Variants in RGS6 observed in about 807,000 individuals in gnomAD.
The protein encoded by RGS6 is regulator of G-protein signaling 6.
In RGS6, 30 loss-of-function variants were observed where a neutral mutation model predicts 78.5. That is an observed-to-expected ratio of 0.38 (90% CI 0.29 to 0.52). RGS6 has a LOEUF of 0.52. Ranked by LOEUF, RGS6 falls within the 20% of genes least tolerant of loss-of-function variation. The pLI is 0.85. For missense variants in RGS6, 495 were observed against 609.7 expected (o/e 0.81, Z 1.98); for synonymous variants, 206 against 206.0 (o/e 1.00, Z 0.00).
At chr14:71,936,120 C>T (rs2089306863) in intron 1 of RGS6, among the ~76,000 whole-genome samples, 1 of 145,674 alleles carries the variant, frequency 6.9e-6, no homozygotes, top group African/African-American at 2.5e-5. Flanking sequence ...TGTACATATA[C>T]CATATATCTA....
chr14:72,399,797 T>G (rs1020555187), intron 3 of RGS6, among the ~76,000 whole-genome samples: 6 of 152,104 alleles, frequency 3.9e-5, no homozygotes, highest in Admixed American at 6.5e-5. Flanking sequence ...TGAAGCTTAG[T>G]TTGAAATGAA....
chr14:72,241,427 T>C (rs773464225), intron 2 of RGS6, among the ~76,000 whole-genome samples: 3 of 152,216 alleles, frequency 2.0e-5, no homozygotes, highest in Non-Finnish European at 4.4e-5. Flanking sequence ...TGCATTTTGG[T>C]TCTTTTACCT....
At chr14:71,998,438 A>G (rs1173796158) in intron 2 of RGS6, among the ~76,000 whole-genome samples, 3 of 152,214 alleles carry the variant, frequency 2.0e-5, no homozygotes, top group African/African-American at 7.2e-5. Context: ...CCAGAACAAT[A>G]TAGAACTAAG....
intron 2 of RGS6, among the ~76,000 whole-genome samples, chr14:72,260,705 C>T (rs969383623): frequency 1.3e-5 from 2 of 152,150 alleles, no homozygotes; most frequent in African/African-American, 4.8e-5. Flanking sequence ...ACTTGGATGC[C>T]TGCGGAGCTC....
chr14:72,023,031 T>C (rs2089043596), intron 2 of RGS6, among the ~76,000 whole-genome samples: 1 of 152,234 alleles, frequency 6.6e-6, no homozygotes, highest in African/African-American at 2.4e-5. Flanking sequence ...CAAACTCTCC[T>C]GTCAGTTAGA....
At chr14:72,553,775 G>A (rs2097536501) in intron 17 of RGS6, among the ~76,000 whole-genome samples, 1 of 152,186 alleles carries the variant, frequency 6.6e-6, no homozygotes, top group Non-Finnish European at 1.5e-5. Context: ...ATTTCCTGGT[G>A]AAAGCTTCCA....
the RGS6 span, among the ~76,000 whole-genome samples, chr14:72,604,659 G>A: frequency 8.1e-4 from 123 of 152,260 alleles, 1 homozygote; most frequent in African/African-American, 2.9e-3. Context: ...GGGGTTTGAG[G>A]AAAGCAGAAA....
chr14:71,890,358 CAG>C, the RGS6 span, among the ~76,000 whole-genome samples: 494 of 133,092 alleles, frequency 3.7e-3, 2 homozygotes, highest in African/African-American at 9.9e-3. Flanking sequence ...GTGCATAAGA[CAG>C]AGAGAGAGAG....
chr14:72,342,802 A>C (rs1259335137), intron 2 of RGS6, among the ~76,000 whole-genome samples: 6 of 151,372 alleles, frequency 4.0e-5, no homozygotes, highest in Non-Finnish European at 7.4e-5. Flanking sequence ...CAGAGAGATC[A>C]AAAAAAATGC....
intron 2 of RGS6, among the ~76,000 whole-genome samples, chr14:72,113,089 T>C (rs1429994132): frequency 2.2e-5 from 2 of 90,092 alleles, no homozygotes; most frequent in Non-Finnish European, 5.4e-5. Flanking sequence ...CATGCACGCA[T>C]GCATGCACAC....
chr14:72,308,930 T>C (rs2067897419), intron 2 of RGS6, among the ~76,000 whole-genome samples: 2 of 152,232 alleles, frequency 1.3e-5, no homozygotes, highest in South Asian at 4.1e-4. Context: ...CACTTCACTT[T>C]AGGATCTTTT....
chr14:72,407,541 A>G lies in RGS6; in HGVS notation c.185-46987A>G, dbSNP rs539151852. Among the ~76,000 whole-genome samples the G allele has an allele frequency of 6.6e-5, 10 of 152,340 alleles. No individual in the cohort carries two copies. The East Asian group carries it at 1.9e-3, about 29-fold the overall frequency. On this transcript the variant is annotated intron_variant, in intron 3 of 17. Coordinates refer to ENST00000553525, the MANE Select transcript of RGS6 (RefSeq NM_001204424.2). ...TAAGTACTCAGATATTTGGTCAAAC[A>G]TGATTGTGAGTGCTGTTGAGTGCTG...
At chr14:71,998,065 T>C (rs1566986527) in intron 2 of RGS6, among the ~76,000 whole-genome samples, 1 of 152,016 alleles carries the variant, frequency 6.6e-6, no homozygotes, top group Non-Finnish European at 1.5e-5. Flanking sequence ...TTTTATACAG[T>C]TTAGGGAGAC....
At chr14:72,019,769 T>C (rs2087964275) in intron 2 of RGS6, among the ~76,000 whole-genome samples, 1 of 152,212 alleles carries the variant, frequency 6.6e-6, no homozygotes, top group African/African-American at 2.4e-5. Flanking sequence ...GGTTTATAGA[T>C]GGCTGACATT....
chr14:72,078,209 C>T (rs2094662168), intron 2 of RGS6, among the ~76,000 whole-genome samples: 1 of 152,034 alleles, frequency 6.6e-6, no homozygotes, highest in African/African-American at 2.4e-5. Flanking sequence ...TGTGTGGCAC[C>T]TCCCCAAACC....
At chr14:72,283,169 A>G (rs537596939) in intron 2 of RGS6, among the ~76,000 whole-genome samples, 16 of 152,214 alleles carry the variant, frequency 1.1e-4, no homozygotes, top group African/African-American at 3.6e-4. Context: ...TTATTCTTTC[A>G]TCCATCAATG....
chr14:72,507,125 C>T (rs528499823), intron 13 of RGS6, among the ~76,000 whole-genome samples: 93 of 151,922 alleles, frequency 6.1e-4, no homozygotes, highest in Non-Finnish European at 1.2e-3. Context: ...GCCGAGATCA[C>T]CCCACTGCAC....
At chr14:72,586,731 T>A in the RGS6 span, among the ~76,000 whole-genome samples, 5 of 152,140 alleles carry the variant, frequency 3.3e-5, no homozygotes, top group Non-Finnish European at 2.9e-5. Context: ...GTCTGCAGCA[T>A]CTCAAATGGC....
intron 12 of RGS6, among the ~76,000 whole-genome samples, chr14:72,478,798 C>A (rs1433038741): frequency 1.3e-5 from 2 of 152,194 alleles, no homozygotes; most frequent in Non-Finnish European, 2.9e-5. Context: ...TGAACTGCAT[C>A]GAATCAGCTG....
Sources: allele counts gnomAD v4.1 joint callset (sites outside exome capture counted in the v4.1 genomes callset), GRCh38; gene constraint gnomAD v4.1.1; transcripts MANE v1.5; gene names NCBI Gene and HGNC (gene_info 2026-07-23, HGNC 2026-07-21).